CNTN6: variants seen among roughly 807,000 people sequenced by gnomAD.
The protein encoded by CNTN6 is contactin-6.
In CNTN6, 137 loss-of-function variants were observed where a neutral mutation model predicts 122.8. That is an observed-to-expected ratio of 1.12 (90% CI 0.97 to 1.29). CNTN6 has a LOEUF of 1.29. Ranked by LOEUF, CNTN6 falls within the 50% of genes most tolerant of loss-of-function variation. CNTN6 has a pLI of 0.00. For synonymous variants in CNTN6, 570 were observed against 426.0 expected (o/e 1.34, Z -4.16); for missense variants, 1,634 against 1,223.4 (o/e 1.34, Z -5.01).
At chr3:1,272,471 T>G (rs1310865636) in intron 4 of CNTN6, among the ~76,000 whole-genome samples, 1 of 152,060 alleles carries the variant, frequency 6.6e-6, no homozygotes. Context: ...TATTAAAAAA[T>G]GAAAGAACAA....
intron 4 of CNTN6, among the ~76,000 whole-genome samples, chr3:1,250,481 T>G (rs1332747967): frequency 6.6e-6 from 1 of 152,122 alleles, no homozygotes; most frequent in Non-Finnish European, 1.5e-5. Context: ...TTGGCAAGAT[T>G]CCCACAAACA....
chr3:1,300,486 AGG>A (rs1559754099), intron 7 of CNTN6, among the ~76,000 whole-genome samples: 174 of 124,602 alleles, frequency 1.4e-3, no homozygotes, highest in African/African-American at 7.8e-3. Context: ...GAAGGAAGGA[AGG>A]AAGGAAAAAG....
chr3:1,308,723 AT>A (rs991217625), intron 7 of CNTN6, among the ~76,000 whole-genome samples: 33 of 152,024 alleles, frequency 2.2e-4, no homozygotes, highest in African/African-American at 7.7e-4. Flanking sequence ...GTGCTGTCCC[AT>A]TTTGCAATAC....
At chr3:1,364,486 G>C (rs1198416636) in intron 12 of CNTN6, among the ~76,000 whole-genome samples, 1 of 151,318 alleles carries the variant, frequency 6.6e-6, no homozygotes, top group Non-Finnish European at 1.5e-5. Flanking sequence ...ACATTGATAA[G>C]GGTTTCAACT....
At chr3:1,213,601 G>T (rs931315281) in intron 2 of CNTN6, among the ~76,000 whole-genome samples, 1 of 151,200 alleles carries the variant, frequency 6.6e-6, no homozygotes, top group East Asian at 1.9e-4. Flanking sequence ...ATTAATATTG[G>T]GTAAAATTAT....
intron 2 of CNTN6, among the ~76,000 whole-genome samples, chr3:1,219,547 A>G (rs1417169756): frequency 2.0e-5 from 3 of 152,198 alleles, no homozygotes; most frequent in African/African-American, 7.2e-5. Context: ...CTTGGCATAT[A>G]GCTCCTACCA....
chr3:1,170,675 C>G (rs1275150057), intron 2 of CNTN6, among the ~76,000 whole-genome samples: 1 of 152,152 alleles, frequency 6.6e-6, no homozygotes, highest in Non-Finnish European at 1.5e-5. Context: ...TGTCAAAAAT[C>G]AAAAGGAAAG....
At chr3:1,129,746 A>G (rs1016116192) in intron 1 of CNTN6, among the ~76,000 whole-genome samples, 1 of 152,106 alleles carries the variant, frequency 6.6e-6, no homozygotes, top group Non-Finnish European at 1.5e-5. Context: ...GCACATGTCT[A>G]TAACTGAAAG....
At chr3:1,324,048 T>C (rs1422762647) in intron 8 of CNTN6, among the ~76,000 whole-genome samples, 2 of 149,714 alleles carry the variant, frequency 1.3e-5, no homozygotes, top group African/African-American at 5.1e-5. Flanking sequence ...ATGAATTATA[T>C]AATTTTGTTA....
rs9879186 is a variant in CNTN6 at position 1,102,676 on chromosome 3, A to T, written c.-83+9556A>T. Among the ~76,000 whole-genome samples, 1,060 of 141,242 alleles carry T rather than the reference A, an allele frequency of 7.5e-3. 17 individuals carry two copies. The highest frequency in any genetic ancestry group is 0.025 in the African/African-American group (992 of 39,668). The allele number at this position is 141,242 out of a possible 152,430, so 92.7% of individuals were successfully genotyped here. ...CCGGGGGGCGGAGCTTGCAGTGAGC[A>T]GAGATGGCGCCACCGCCCTCCAGCC... On this transcript the variant is annotated intron_variant, in intron 1 of 22. Transcript: ENST00000446702.
intron 2 of CNTN6, among the ~76,000 whole-genome samples, chr3:1,178,485 T>G (rs2093493829): frequency 6.6e-6 from 1 of 152,204 alleles, no homozygotes; most frequent in Non-Finnish European, 1.5e-5. Context: ...GTCTGTGTTT[T>G]CCAGTAGAGC....
At chr3:1,291,791 T>A (rs1487142989) in intron 5 of CNTN6, among the ~76,000 whole-genome samples, 2 of 152,062 alleles carry the variant, frequency 1.3e-5, no homozygotes, top group African/African-American at 2.4e-5. Context: ...GTAAAGAAAC[T>A]GAAGCAAGAG....
intron 2 of CNTN6, among the ~76,000 whole-genome samples, chr3:1,163,021 A>G (rs926287247): frequency 2.0e-5 from 3 of 152,210 alleles, no homozygotes; most frequent in Non-Finnish European, 4.4e-5. Flanking sequence ...CTTGAAGACA[A>G]TGGAATTGTA....
At chr3:1,250,473 G>A (rs2094646987) in intron 4 of CNTN6, among the ~76,000 whole-genome samples, 1 of 152,098 alleles carries the variant, frequency 6.6e-6, no homozygotes, top group Non-Finnish European at 1.5e-5. Flanking sequence ...AAGGTGTCTT[G>A]GCAAGATTCC....
intron 9 of CNTN6, 86 bp downstream of exon 9, chr3:1,326,037 C>A: frequency 8.5e-7 from 1 of 1,179,984 alleles, no homozygotes; most frequent in Non-Finnish European, 1.2e-6. Flanking sequence ...ACAGAAACAG[C>A]TAATGTTAAT....
rs187054407 is a variant in CNTN6 at position 1,364,198 on chromosome 3, G to C, written c.1493-8101G>C. Among the ~76,000 whole-genome samples the C allele has an allele frequency of 1.2e-3, 184 of 151,940 alleles. 1 individual carries two copies. Among genetic ancestry groups the C allele is most frequent in the African/African-American group, 4.3e-3 (178 of 41,520 alleles). ...ATTCTGAGGAATTCATTAGAAAAAA[G>C]ACCAATTTTTAAAGGTATTTATTTC... On this transcript the variant is annotated intron_variant, in intron 12 of 22. Coordinates refer to ENST00000446702, the MANE Select transcript of CNTN6 (RefSeq NM_001289080.2).
At chr3:1,287,786 C>A (rs1450144751) in intron 5 of CNTN6, among the ~76,000 whole-genome samples, 1 of 152,140 alleles carries the variant, frequency 6.6e-6, no homozygotes, top group Non-Finnish European at 1.5e-5. Flanking sequence ...TTACAAATGC[C>A]ATGGCAACTT....
rs533390669 is a variant in CNTN6, at chr3:1,380,114, C to T, written c.2167-2828C>T. Reference sequence around the variant, plus strand: ...GAAAAGTGACTTGGAAGTAGAGAGGCCACCCCAGGTCAATGTCACTCCTGT... The same window carrying T: ...GAAAAGTGACTTGGAAGTAGAGAGGTCACCCCAGGTCAATGTCACTCCTGT... On this transcript the variant is annotated intron_variant, in intron 17 of 22. Coordinates refer to ENST00000446702, the MANE Select transcript of CNTN6 (RefSeq NM_001289080.2). Among the ~76,000 whole-genome samples the T allele has an allele frequency of 9.4e-4, 143 of 152,288 alleles. 1 individual carries two copies. Among genetic ancestry groups the T allele is most frequent in the Admixed American group, 2.6e-3 (39 of 15,292 alleles).
At chr3:1,214,025 T>C (rs2094088740) in intron 2 of CNTN6, among the ~76,000 whole-genome samples, 1 of 152,036 alleles carries the variant, frequency 6.6e-6, no homozygotes, top group South Asian at 2.1e-4. Context: ...CATTTTTCTA[T>C]TTTGTTGTTT....
Sources: allele counts gnomAD v4.1 joint callset (sites outside exome capture counted in the v4.1 genomes callset), GRCh38; gene constraint gnomAD v4.1.1; transcripts MANE v1.5; gene names NCBI Gene and HGNC (gene_info 2026-07-23, HGNC 2026-07-21).